The following PLD1 variants were observed in gnomAD, a reference collection of about 807,000 sequenced individuals.
The protein encoded by PLD1 is choline phosphatase 1.
In PLD1, 112 loss-of-function variants were observed where a neutral mutation model predicts 137.1. That is an observed-to-expected ratio of 0.82 (90% CI 0.70 to 0.96). The LOEUF (loss-of-function observed/expected upper bound fraction) is 0.96. Among genes scored for constraint, PLD1 ranks in the 40% least tolerant of loss-of-function variants. The probability of loss-of-function intolerance (pLI) is 0.00; values close to 1 mark genes in which losing one functional copy is unlikely to be tolerated. For missense variants in PLD1, 1,321 were observed against 1,342.0 expected, an observed-to-expected ratio of 0.98 and a Z score of 0.24; for synonymous variants, 431 against 454.7, an observed-to-expected ratio of 0.95 and a Z score of 0.66.
At chr3:171,671,733 T>TA (rs1461438766) in intron 19 of PLD1, among the ~76,000 whole-genome samples, 6 of 151,994 alleles carry the variant, frequency 3.9e-5, no homozygotes, top group Admixed American at 1.3e-4. Context: ...CACTGTAGCA[T>TA]AAAAAAGGTG....
At chr3:171,764,875 GAAAGAA>G (rs1560288355) in intron 1 of PLD1, among the ~76,000 whole-genome samples, 1 of 30,200 alleles carries the variant, frequency 3.3e-5, no homozygotes, top group Non-Finnish European at 6.9e-5. Flanking sequence ...AAGAAAGAAA[GAAAGAA>G]AGAAAGAAAG....
rs368521959 is a variant in PLD1 at position 171,776,999 on chromosome 3, A to G, written c.-32+33400T>C. ...GACGACTTTGGCCCCTTCTCATATAATACATGACTTCCTTTTACACAATAA... is the reference window on the plus strand; with the variant it reads ...GACGACTTTGGCCCCTTCTCATATAGTACATGACTTCCTTTTACACAATAA... On this transcript the variant is annotated intron_variant, in intron 1 of 26. Transcript: ENST00000351298. Among the ~76,000 whole-genome samples, 150 of 152,230 alleles carry G rather than the reference A, an allele frequency of 9.9e-4. No individual in the cohort carries two copies. In the Middle Eastern group the frequency reaches 0.014, roughly 14 times the overall value.
At chr3:171,607,520 A>C (rs1446402915) in intron 25 of PLD1, among the ~76,000 whole-genome samples, 1 of 152,188 alleles carries the variant, frequency 6.6e-6, no homozygotes, top group African/African-American at 2.4e-5. Flanking sequence ...TTTAATTATA[A>C]GAAATTTATA....
rs2305547 is a variant in PLD1 at position 171,687,594 on chromosome 3, A to T, written c.1540-10T>A. On this transcript the variant is annotated splice_polypyrimidine_tract_variant and intron_variant, in intron 14 of 26. Transcript: ENST00000351298. Reference sequence around the variant, plus strand: ...ACTCCATTGCGGCAGGCTGAGAAAAATTTTTTTTTAAAAAAAGACACTGCA... The same window carrying T: ...ACTCCATTGCGGCAGGCTGAGAAAATTTTTTTTTTAAAAAAAGACACTGCA... The T allele has an allele frequency of 0.44, 674,899 of 1,543,516 alleles. 147,113 individuals carry two copies. The highest frequency in any genetic ancestry group is 0.66 in the African/African-American group (47,719 of 71,878).
intron 1 of PLD1, among the ~76,000 whole-genome samples, chr3:171,776,549 C>G (rs1005457883): frequency 8.5e-5 from 13 of 152,198 alleles, no homozygotes; most frequent in Non-Finnish European, 1.8e-4. Flanking sequence ...ATTAGATGGA[C>G]AAGCTGAAAC....
At chr3:171,794,199 AAG>A (rs937594404) in intron 1 of PLD1, among the ~76,000 whole-genome samples, 3 of 152,012 alleles carry the variant, frequency 2.0e-5, no homozygotes, top group African/African-American at 7.2e-5. Context: ...GAGAGAGAAA[AAG>A]AGAGATCACA....
chr3:171,784,356 C>T (rs1378329509), intron 1 of PLD1, among the ~76,000 whole-genome samples: 1 of 150,472 alleles, frequency 6.6e-6, no homozygotes, highest in Non-Finnish European at 1.5e-5. Flanking sequence ...ACTAAGTCAC[C>T]TCATTCTCAG....
intron 11 of PLD1, among the ~76,000 whole-genome samples, chr3:171,707,779 C>A (rs57019516): frequency 0.23 from 34,697 of 152,040 alleles, 4,247 homozygotes; most frequent in Admixed American, 0.3. Flanking sequence ...CATAGGACAG[C>A]CCCCTACAAC....
chr3:171,775,517 T>C (rs192694305), intron 1 of PLD1, among the ~76,000 whole-genome samples: 7 of 152,202 alleles, frequency 4.6e-5, no homozygotes, highest in Admixed American at 1.3e-4. Flanking sequence ...GAGGTCCCCA[T>C]GGCACAAGTA....
Position 171,809,688 on chromosome 3 carries a change from A to C in PLD1, c.-32+711T>G, listed in dbSNP as rs941677674. 4 of 152,296 alleles carry C rather than the reference A, an allele frequency of 2.6e-5. No individual in the cohort carries two copies. The South Asian group carries it at 8.3e-4, about 32-fold the overall frequency. The allele number at this position is 152,296 out of a possible 1,614,324, so 9.4% of individuals were successfully genotyped here. ...GGCGGTAGTTCAGGACTGAGTCTAC[A>C]AGGGCGGTTCTCAAGGGCGTCACAA... On this transcript the variant is annotated intron_variant, in intron 1 of 26. Coordinates refer to ENST00000351298, the MANE Select transcript of PLD1 (RefSeq NM_002662.5).
At position 171,611,245 on chromosome 3, in the gene PLD1, T is replaced by C. The variant is rs551573830; in HGVS notation, c.2882+1034A>G. 4.6e-5 allele frequency among the ~76,000 whole-genome samples: 7 copies of C among 152,074 alleles called. No homozygotes were observed. The East Asian group carries it at 1.2e-3, about 25-fold the overall frequency. ...GTGGACTTCCTACAAAGGCCTAGAG[T>C]TGGGAGAGTAGTCAGGGTGTTCCAC... On this transcript the variant is annotated intron_variant, in intron 25 of 26. Transcript: ENST00000351298.
chr3:171,712,557 C>T (rs920131708), intron 9 of PLD1, among the ~76,000 whole-genome samples: 1 of 151,756 alleles, frequency 6.6e-6, no homozygotes, highest in African/African-American at 2.4e-5. Flanking sequence ...ACCTGCAAGG[C>T]GTATTAGGGA....
At chr3:171,677,121 G>T (rs1384340891) in intron 17 of PLD1, among the ~76,000 whole-genome samples, 1 of 152,192 alleles carries the variant, frequency 6.6e-6, no homozygotes, top group East Asian at 1.9e-4. Flanking sequence ...CTGTGTATTT[G>T]ATATTATATT....
chr3:171,679,455 T>C lies in PLD1; in HGVS notation c.1868-1761A>G, dbSNP rs146357161. Among the ~76,000 whole-genome samples the C allele has an allele frequency of 5.0e-3, 759 of 152,274 alleles. 4 individuals carry two copies. Among genetic ancestry groups the C allele is most frequent in the African/African-American group, 0.017 (725 of 41,546 alleles). ...ATCTATAGGCTCTTTATTGTTTACA[T>C]AGCACTTTGTTAAAAGAAGAAAAGA... On this transcript the variant is annotated intron_variant, in intron 16 of 26. Transcript: ENST00000351298.
At chr3:171,766,686 C>T (rs532241068) in intron 1 of PLD1, among the ~76,000 whole-genome samples, 1 of 152,252 alleles carries the variant, frequency 6.6e-6, no homozygotes, top group Admixed American at 6.5e-5. Context: ...CATTTTTATA[C>T]TTAAAGCGTC....
chr3:171,607,863 T>G (rs1051805205), intron 25 of PLD1, among the ~76,000 whole-genome samples: 1 of 152,192 alleles, frequency 6.6e-6, no homozygotes, highest in African/African-American at 2.4e-5. Flanking sequence ...TGTTTGATTC[T>G]GTCTCTATTT....
intron 12 of PLD1, among the ~76,000 whole-genome samples, chr3:171,697,487 C>A (rs1715857235): frequency 6.6e-6 from 1 of 151,978 alleles, no homozygotes; most frequent in Admixed American, 6.6e-5. Context: ...CCACACCGCC[C>A]TGCCCCGCAC....
At chr3:171,724,019 G>C (rs2108237845) in intron 8 of PLD1, among the ~76,000 whole-genome samples, 1 of 152,194 alleles carries the variant, frequency 6.6e-6, no homozygotes, top group Non-Finnish European at 1.5e-5. Context: ...ACCACATTTT[G>C]TTTATCCATT....
chr3:171,634,767 AC>A (rs1734960944), intron 23 of PLD1, among the ~76,000 whole-genome samples: 1 of 152,176 alleles, frequency 6.6e-6, no homozygotes, highest in Non-Finnish European at 1.5e-5. Flanking sequence ...AAAAATTCTT[AC>A]AATTTATAAA....
Sources: gnomAD v4.1 joint callset for allele counts (sites outside exome capture counted in the v4.1 genomes callset) on GRCh38, gnomAD v4.1.1 for gene constraint, MANE v1.5 for transcripts, NCBI Gene and HGNC (gene_info 2026-07-23, HGNC 2026-07-21) for gene names.